Variants in CETP observed in about 807,000 individuals in gnomAD.
CETP encodes the protein BPI fold containing family F.
CETP carries 56 observed loss-of-function variants against 66.5 expected under a neutral mutation model. The observed-to-expected ratio is 0.84, with a 90% CI of 0.68 to 1.05. The LOEUF (loss-of-function observed/expected upper bound fraction) is 1.05, where lower values mean the gene tolerates loss of function less well. CETP is among the 50% of genes least tolerant of loss of function. CETP has a pLI of 0.00. For missense variants in CETP, 612 were observed against 609.6 expected (o/e 1.00, Z -0.04); for synonymous variants, 251 against 245.7 (o/e 1.02, Z -0.20).
Position 56,971,027 on chromosome 16 carries a change from C to A in CETP, c.528-6C>A. ...AGGGGCTCATTGTGGTGCTTGCTGC[C>A]TTCAGGCCTGGGTGGATCAAGCAGC... On this transcript the variant is annotated splice_region_variant and splice_polypyrimidine_tract_variant and intron_variant, in intron 5 of 15. Coordinates refer to ENST00000200676, the MANE Select transcript of CETP (RefSeq NM_000078.3). The A allele has an allele frequency of 6.2e-7, 1 of 1,614,136 alleles. No individual in the cohort carries two copies. Among genetic ancestry groups the A allele is most frequent in the Non-Finnish European group, 8.5e-7 (1 of 1,180,004 alleles).
At chr16:56,962,728 G>A (rs2056032930) in intron 1 of CETP, among the ~76,000 whole-genome samples, 1 of 128,558 alleles carries the variant, frequency 7.8e-6, no homozygotes, top group Non-Finnish European at 1.8e-5. Context: ...GCTGGGCTCA[G>A]GGCTGCCCCA....
chr16:56,961,997 C>A lies in CETP; in HGVS notation c.18C>A (p.Val6=). 6.2e-7 allele frequency: 1 copy of A among 1,614,084 alleles called. No homozygotes were observed. The highest frequency in any genetic ancestry group is 1.1e-5 in the South Asian group (1 of 91,076). Residue 6 remains valine, a synonymous_variant, in exon 1 of 16, where the codon GTC becomes GTA. Coordinates refer to ENST00000200676, the MANE Select transcript of CETP (RefSeq NM_000078.3). Reference sequence around the variant, plus strand: ...TGATAACCATGCTGGCTGCCACAGTCCTGACCCTGGCCCTGCTGGGCAATG... The same window carrying A: ...TGATAACCATGCTGGCTGCCACAGTACTGACCCTGGCCCTGCTGGGCAATG... MLAAT[V]LTLALLGNAH...
chr16:56,978,304 A>G (rs1322291070), intron 11 of CETP, 49 bp downstream of exon 11: 2 of 1,611,352 alleles, frequency 1.2e-6, no homozygotes, highest in South Asian at 2.2e-5. Context: ...TGACTCACAT[A>G]TGGGCCGCAG....
At chr16:56,972,795 T>C (rs544374304) in intron 8 of CETP, among the ~76,000 whole-genome samples, 2 of 152,356 alleles carry the variant, frequency 1.3e-5, no homozygotes, top group East Asian at 3.9e-4. Context: ...GAGAAGACTT[T>C]AGGGCGGACC....
chr16:56,962,309 T>C (rs551801334), intron 1 of CETP: 9 of 737,922 alleles, frequency 1.2e-5, no homozygotes, highest in Non-Finnish European at 2.2e-5. Context: ...GAGAAGGTCC[T>C]AGCTGCATTG....
At chr16:56,972,683 C>T (rs540113213) in intron 8 of CETP, among the ~76,000 whole-genome samples, 2 of 152,186 alleles carry the variant, frequency 1.3e-5, no homozygotes, top group South Asian at 2.1e-4. Flanking sequence ...TGAACCTGAT[C>T]GCAGGACCCC....
chr16:56,966,210 A>G (rs2048140366), intron 2 of CETP, among the ~76,000 whole-genome samples: 1 of 152,242 alleles, frequency 6.6e-6, no homozygotes, highest in Non-Finnish European at 1.5e-5. Flanking sequence ...TCTGGGGGCT[A>G]TAGGGGAGAA....
At position 56,971,351 on chromosome 16, in the gene CETP, A is replaced by G; in HGVS notation, c.628A>G (p.Ile210Val). The change falls in exon 7 of 16, where the codon ATC (isoleucine) becomes GTC (valine). Residue 210 changes from isoleucine to valine, a missense_variant. Transcript: ENST00000200676. ...ICKEINVISN[I>V]MADFVQTRAA... is the part of the protein sequence containing the mutation. ...CAAAGAGATCAACGTCATCTCTAAC[A>G]TCATGGCCGATTTTGTCCAGACAAG... is the stretch of plus-strand genomic sequence containing the variant. 2 of 1,614,052 alleles carry G rather than the reference A, an allele frequency of 1.2e-6. No individual in the cohort carries two copies. Among genetic ancestry groups the G allele is most frequent in the East Asian group, 2.2e-5 (1 of 44,872 alleles).
chr16:56,962,970 T>C (rs2141990641), intron 1 of CETP, 40 bp from the exon 2 acceptor site: 1 of 1,559,050 alleles, frequency 6.4e-7, no homozygotes, highest in East Asian at 2.2e-5. Context: ...GGGGGCTTGG[T>C]GTGGGCCTGC....
intron 5 of CETP, 81 bp from the exon 6 acceptor site, chr16:56,970,952 G>T: frequency 7.6e-7 from 1 of 1,318,116 alleles, no homozygotes; most frequent in Admixed American, 1.7e-5. Flanking sequence ...ACAGAGCCAT[G>T]AACGGTGCCT....
At chr16:56,963,185 G>T in intron 2 of CETP, 61 bp downstream of exon 2, 1 of 1,375,300 alleles carries the variant, frequency 7.3e-7, no homozygotes, top group Non-Finnish European at 1.0e-6. Flanking sequence ...ACAGCCTGGG[G>T]CTTGCCCCCA....
chr16:56,962,244 A>G, intron 1 of CETP, 147 bp downstream of exon 1: 1 of 783,542 alleles, frequency 1.3e-6, no homozygotes, highest in Non-Finnish European at 2.3e-6. Context: ...AGATGGGCTG[A>G]GTGGAGCTGT....
chr16:56,969,823 G>C (rs1321283597), intron 4 of CETP, 91 bp from the exon 5 acceptor site: 2 of 1,547,010 alleles, frequency 1.3e-6, no homozygotes, highest in East Asian at 4.6e-5. Flanking sequence ...GGGGACCCCA[G>C]AGCTGGCCAA....
Position 56,983,379 on chromosome 16 carries a change from G to C in CETP, c.1375G>C (p.Asp459His), listed in dbSNP as rs1326253991. 1.2e-6 allele frequency: 2 copies of C among 1,614,192 alleles called. No individual in the cohort carries two copies. The highest frequency in any genetic ancestry group is 1.7e-6 in the Non-Finnish European group (2 of 1,180,036). The change falls in exon 15 of 16, where the codon GAC (aspartate) becomes CAC (histidine). Residue 459 changes from aspartate to histidine, a missense_variant. Asp to His is a moderately conservative substitution (Grantham distance 81). Coordinates refer to ENST00000200676, the MANE Select transcript of CETP (RefSeq NM_000078.3). ...GAACAGCAAAGGCGTGAGCCTCTTC[G>C]ACATCATCAACCCTGAGATTATCAC... is the stretch of plus-strand genomic sequence containing the variant. ...LMNSKGVSLF[D>H]IINPEIITRD...
At chr16:56,981,934 C>T (rs1334755198) in intron 13 of CETP, among the ~76,000 whole-genome samples, 1 of 152,172 alleles carries the variant, frequency 6.6e-6, no homozygotes, top group Non-Finnish European at 1.5e-5. Context: ...CAGCGCCTCC[C>T]TGGACCTCAA....
intron 13 of CETP, 50 bp from the exon 14 acceptor site, chr16:56,982,115 G>C: frequency 6.4e-7 from 1 of 1,551,262 alleles, no homozygotes; most frequent in Non-Finnish European, 8.9e-7. Flanking sequence ...CTGCCTTGTG[G>C]GTCACTTCTG....
rs778814831 is a variant in CETP, at chr16:56,969,917, G to C, written c.443G>C (p.Cys148Ser). 1 of 1,614,074 alleles carries C rather than the reference G, an allele frequency of 6.2e-7. No individual in the cohort carries two copies. The highest frequency in any genetic ancestry group is 1.1e-5 in the South Asian group (1 of 91,056). ...IDLQINTQLT[C>S]DSGRVRTDAP... is the part of the protein sequence containing the mutation. ...GTCATGTCGGGTCTCCCTGCAGCCT[G>C]TGACTCTGGTAGAGTGCGGACCGAT... Residue 148 changes from cysteine (C) to serine (S), a missense_variant, in exon 5 of 16, where the codon TGT (cysteine) becomes TCT (serine). Physicochemically the swap from Cys to Ser is moderately radical, Grantham distance 112 (BLOSUM62 -1). Coordinates refer to ENST00000200676, the MANE Select transcript of CETP (RefSeq NM_000078.3).
chr16:56,968,729 CT>C (rs201835654), intron 2 of CETP, among the ~76,000 whole-genome samples: 2,669 of 126,844 alleles, frequency 0.021, 82 homozygotes, highest in East Asian at 0.13. Context: ...GAGTCTTCTT[CT>C]TTTTTTTTTT....
chr16:56,964,265 G>T (rs548133404), intron 2 of CETP, among the ~76,000 whole-genome samples: 1 of 152,122 alleles, frequency 6.6e-6, no homozygotes, highest in Non-Finnish European at 1.5e-5. Flanking sequence ...GACCTCAAGT[G>T]ATCCACCCGC....
Sources: gnomAD v4.1 joint callset for allele counts (sites outside exome capture counted in the v4.1 genomes callset) on GRCh38, gnomAD v4.1.1 for gene constraint, MANE v1.5 for transcripts, NCBI Gene and HGNC (gene_info 2026-07-23, HGNC 2026-07-21) for gene names.